Variants in WWP2 observed in about 807,000 individuals in gnomAD.
The protein encoded by WWP2 is NEDD4-like E3 ubiquitin-protein ligase WWP2.
Under a neutral mutation model 121.0 loss-of-function variants are expected in WWP2, and 57 were observed. The ratio of observed to expected loss-of-function variants is 0.47; its 90% CI spans 0.38 to 0.59. The LOEUF is 0.59. Ranked by LOEUF, WWP2 falls within the 20% of genes least tolerant of loss-of-function variation. The pLI is 0.00. For missense variants in WWP2, 962 were observed against 1,158.9 expected (o/e 0.83, Z 2.47); for synonymous variants, 449 against 441.3 (o/e 1.02, Z -0.22).
chr16:69,887,704 C>G (rs1223312451), intron 7 of WWP2, among the ~76,000 whole-genome samples: 1 of 152,174 alleles, frequency 6.6e-6, no homozygotes, highest in Non-Finnish European at 1.5e-5. Context: ...CTGCGCCTGG[C>G]CCCAACACAT....
intron 4 of WWP2, among the ~76,000 whole-genome samples, chr16:69,824,705 A>G (rs2056652925): frequency 6.6e-6 from 1 of 151,362 alleles, no homozygotes; most frequent in Admixed American, 6.6e-5. Flanking sequence ...TTCATAGATT[A>G]CAAGTGAAAA....
intron 7 of WWP2, among the ~76,000 whole-genome samples, chr16:69,876,014 G>A (rs538299085): frequency 5.3e-5 from 8 of 152,194 alleles, no homozygotes; most frequent in African/African-American, 1.4e-4. Flanking sequence ...GCATGCAGTG[G>A]CATGATCTCA....
Position 69,931,590 on chromosome 16 carries a change from T to C in WWP2, c.1593+10T>C. The C allele has an allele frequency of 1.2e-6, 2 of 1,613,998 alleles. No individual in the cohort carries two copies. Among genetic ancestry groups the C allele is most frequent in the South Asian group, 1.1e-5 (1 of 91,064 alleles). The stretch of plus-strand genomic sequence containing the variant: ...AGATTCCTTCCAACAGGTTAGATCA[T>C]GGTGCCCGAAACCAGTGGCAGGCCG... On this transcript the variant is annotated intron_variant, in intron 15 of 23. Coordinates refer to ENST00000359154, the MANE Select transcript of WWP2 (RefSeq NM_001270454.2).
intron 1 of WWP2, among the ~76,000 whole-genome samples, chr16:69,777,204 G>C (rs1253414265): frequency 6.6e-6 from 1 of 151,088 alleles, no homozygotes; most frequent in Non-Finnish European, 1.5e-5. Context: ...TATACATATG[G>C]AGATATCATA....
intron 9 of WWP2, chr16:69,910,415 C>CT (rs796675658): frequency 0.047 from 33,812 of 722,150 alleles, 1,789 homozygotes; most frequent in African/African-American, 0.29. Flanking sequence ...TGTACTGTGG[C>CT]TTTTTTTTTT....
Position 69,925,610 on chromosome 16 carries a change from A to T in WWP2, c.1234+126A>T. The T allele has an allele frequency of 7.9e-7, 1 of 1,269,112 alleles. No homozygotes were observed. The highest frequency in any genetic ancestry group is 1.1e-6 in the Non-Finnish European group (1 of 932,646). The allele number at this position is 1,269,112 out of a possible 1,614,324, so 78.6% of individuals were successfully genotyped here. On this transcript the variant is annotated intron_variant, in intron 11 of 23. Transcript: ENST00000359154. This position sits in a 1 kb window ranked among gnomAD's most constrained non-coding sequence, Gnocchi z 4.0. ...TTTCCATCTCTCCCCTCTCCAGCAC[A>T]CTCTCTGGGCATGCCCCACCAGAGC...
rs183249484 is a variant in WWP2 at position 69,786,361 on chromosome 16, G to T, written c.-15-635G>T. ...GGATTTCATCATCTTGGCCAGACTG[G>T]TGTTGAACTCCCAACCCTGTAATCC... is the stretch of plus-strand genomic sequence containing the variant. On this transcript the variant is annotated intron_variant, in intron 1 of 23. Transcript: ENST00000359154. Among the ~76,000 whole-genome samples, 23 of 150,444 alleles carry T rather than the reference G, an allele frequency of 1.5e-4. No individual in the cohort carries two copies. The East Asian group carries it at 3.6e-3, about 23-fold the overall frequency.
intron 10 of WWP2, among the ~76,000 whole-genome samples, chr16:69,924,057 C>T (rs965383153): frequency 2.0e-5 from 3 of 152,230 alleles, no homozygotes; most frequent in Non-Finnish European, 4.4e-5. Flanking sequence ...CCCCCACCTC[C>T]GTGCACTTGC....
At chr16:69,801,516 C>T (rs1462798168) in intron 4 of WWP2, among the ~76,000 whole-genome samples, 3 of 151,798 alleles carry the variant, frequency 2.0e-5, no homozygotes, top group South Asian at 4.2e-4. Context: ...ATTACAGATG[C>T]GAGCCACTGC....
rs149685425 is a variant in WWP2 at position 69,793,331 on chromosome 16, G to A, written c.71-5351G>A. On this transcript the variant is annotated intron_variant, in intron 2 of 23. Coordinates refer to ENST00000359154, the MANE Select transcript of WWP2 (RefSeq NM_001270454.2). ...TGCACCACTGCACTCCAGCCTGGGT[G>A]ACAGAGCAAGACTCCATCTAAAAAA... Among the ~76,000 whole-genome samples, 1,487 of 152,120 alleles carry A rather than the reference G, an allele frequency of 9.8e-3. 18 individuals are homozygous for A. The highest frequency in any genetic ancestry group is 0.027 in the African/African-American group (1,106 of 41,506).
intron 4 of WWP2, among the ~76,000 whole-genome samples, chr16:69,800,519 A>G (rs559756402): frequency 6.6e-6 from 1 of 152,072 alleles, no homozygotes; most frequent in African/African-American, 2.4e-5. Context: ...ACAGAAAGAA[A>G]ACAAAATTTG....
intron 2 of WWP2, among the ~76,000 whole-genome samples, chr16:69,792,765 C>A (rs1348941058): frequency 1.3e-5 from 2 of 152,194 alleles, no homozygotes; most frequent in Non-Finnish European, 2.9e-5. Context: ...AATTACAGCT[C>A]ACTACAGCCT....
chr16:69,936,814 TG>T, intron 19 of WWP2: 1 of 471,796 alleles, frequency 2.1e-6, no homozygotes, highest in Non-Finnish European at 3.8e-6. Flanking sequence ...TCTCCGTGCC[TG>T]TTCCTCAGGC....
intron 6 of WWP2, among the ~76,000 whole-genome samples, chr16:69,855,728 G>C (rs916083368): frequency 2.0e-5 from 3 of 152,162 alleles, no homozygotes; most frequent in African/African-American, 7.2e-5. Flanking sequence ...CTTAAGTTAG[G>C]AATGTGCCTT....
chr16:69,939,020 C>T lies in WWP2; in HGVS notation c.2344-7C>T. 2 of 1,596,594 alleles carry T rather than the reference C, an allele frequency of 1.3e-6. No homozygotes were observed. The highest frequency in any genetic ancestry group is 1.7e-6 in the Non-Finnish European group (2 of 1,170,560). Reference sequence around the variant, plus strand: ...GCCTGACTGTGCCTTGACTTGCGGACTTCCAGGTGGTGAAGGAGATGGACA... The same window carrying T: ...GCCTGACTGTGCCTTGACTTGCGGATTTCCAGGTGGTGAAGGAGATGGACA... On this transcript the variant is annotated splice_region_variant and splice_polypyrimidine_tract_variant and intron_variant, in intron 21 of 23. Transcript: ENST00000359154.
chr16:69,860,805 C>T (rs1483305433), intron 6 of WWP2, among the ~76,000 whole-genome samples: 1 of 150,600 alleles, frequency 6.6e-6, no homozygotes, highest in Non-Finnish European at 1.5e-5. Context: ...AGTTTGAGAC[C>T]AGCCAGGACA....
intron 4 of WWP2, among the ~76,000 whole-genome samples, chr16:69,831,082 C>A (rs2056785270): frequency 6.6e-6 from 1 of 152,192 alleles, no homozygotes; most frequent in South Asian, 2.1e-4. Flanking sequence ...AGGCTTGTTT[C>A]ACTAAGCAGG....
intron 6 of WWP2, among the ~76,000 whole-genome samples, chr16:69,870,111 G>A (rs189787886): frequency 6.6e-6 from 1 of 152,220 alleles, no homozygotes; most frequent in Admixed American, 6.5e-5. Flanking sequence ...TTTCTGTAGA[G>A]CTTCTCTGTG....
At chr16:69,894,103 T>C (rs1417053125) in intron 8 of WWP2, among the ~76,000 whole-genome samples, 4 of 151,056 alleles carry the variant, frequency 2.6e-5, no homozygotes, top group South Asian at 2.1e-4. Context: ...TGAGATGGAG[T>C]CTCGCTCTGT....
Sources: gnomAD v4.1 joint callset for allele counts (sites outside exome capture counted in the v4.1 genomes callset) on GRCh38, gnomAD v4.1.1 for gene constraint, Gnocchi (gnomAD v3.1) non-coding constraint, MANE v1.5 for transcripts, NCBI Gene and HGNC (gene_info 2026-07-23, HGNC 2026-07-21) for gene names.